C5: variants seen among roughly 807,000 people sequenced by gnomAD.
C5 encodes complement C5.
Under a neutral mutation model 218.8 loss-of-function variants are expected in C5, and 140 were observed. The observed-to-expected ratio is 0.64, with a 90% CI of 0.56 to 0.74. The LOEUF is 0.74. C5 is among the 30% of genes least tolerant of loss of function. The pLI is 0.00. For synonymous variants in C5, 614 were observed against 682.3 expected, an observed-to-expected ratio of 0.90 and a Z score of 1.56; for missense variants, 1,700 against 1,969.6, an observed-to-expected ratio of 0.86 and a Z score of 2.59.
intron 25 of C5, among the ~76,000 whole-genome samples, chr9:120,983,190 T>G (rs944359491): frequency 2.0e-4 from 30 of 152,174 alleles, no homozygotes; most frequent in African/African-American, 7.2e-4. Flanking sequence ...ATTGTAAAAT[T>G]TGTGCATTCC....
At position 120,991,253 on chromosome 9, in the gene C5, G is replaced by A; in HGVS notation, c.2879C>T (p.Pro960Leu). The change falls in exon 23 of 41, where the codon CCA (proline) becomes CTA (leucine). Residue 960 changes from proline (P) to leucine (L), a missense_variant. Transcript: ENST00000223642. ...YGTISRRKEF[P>L]YRIPLDLVPK... ...GACCAAATCTAAGGGTATCCTGTAT[G>A]GGAACTCCTTTCGTCTGCTAATGGT... 6.2e-7 allele frequency: 1 copy of A among 1,610,426 alleles called. No individual in the cohort carries two copies. The highest frequency in any genetic ancestry group is 8.5e-7 in the Non-Finnish European group (1 of 1,176,688).
At chr9:121,044,201 A>G (rs1376039749) in intron 2 of C5, among the ~76,000 whole-genome samples, 23 of 152,160 alleles carry the variant, frequency 1.5e-4, no homozygotes, top group Non-Finnish European at 7.4e-5. Context: ...CAGGCTGGGC[A>G]CAGTAACCTA....
chr9:121,019,573 C>G (rs2047345268), intron 12 of C5, among the ~76,000 whole-genome samples: 1 of 152,188 alleles, frequency 6.6e-6, no homozygotes, highest in Admixed American at 6.5e-5. Context: ...ATTCACTTAT[C>G]CGAACTGGGT....
chr9:121,007,638 T>C (rs1353514836), intron 18 of C5, among the ~76,000 whole-genome samples: 3 of 152,256 alleles, frequency 2.0e-5, no homozygotes, highest in Admixed American at 6.5e-5. Flanking sequence ...ATTTAGTTCA[T>C]GCCTTTGAGG....
At chr9:120,975,012 G>A in intron 29 of C5, 81 bp from the exon 30 acceptor site, 2 of 1,489,344 alleles carry the variant, frequency 1.3e-6, no homozygotes, top group Middle Eastern at 1.7e-4. Context: ...TTTATGAGAG[G>A]GTAGGGCAGC....
In C5 at chr9:120,989,626, G is replaced by T. The variant is rs1269656764; in HGVS notation, c.3096C>A (p.Asn1032Lys). ...FHYLETGNHW[N>K]IFHSDPLIEK... ...CAATTAATGGGTCAGAATGAAAAAT[G>T]TTCCAATGATTTCCTGTTTCCAGGT... The change falls in exon 24 of 41, where the codon AAC becomes AAA. Residue 1032 changes from asparagine to lysine, a missense_variant. By Grantham distance (94) the Asn-to-Lys change is moderately conservative. Transcript: ENST00000223642. 1 of 1,612,722 alleles carries T rather than the reference G, an allele frequency of 6.2e-7. No individual in the cohort carries two copies. Among genetic ancestry groups the T allele is most frequent in the Admixed American group, 1.7e-5 (1 of 59,946 alleles).
chr9:121,008,626 A>G, intron 17 of C5, 128 bp from the exon 18 acceptor site: 1 of 732,822 alleles, frequency 1.4e-6, no homozygotes, highest in Non-Finnish European at 2.4e-6. Flanking sequence ...ATTTTGTTTA[A>G]TGCTTCCAAA....
the C5 span, among the ~76,000 whole-genome samples, chr9:121,066,357 A>G: frequency 6.6e-6 from 1 of 151,214 alleles, no homozygotes; most frequent in East Asian, 1.9e-4. Context: ...ACTAAATGAT[A>G]TAGAAAGACT....
At chr9:121,024,575 C>T (rs1224159113) in intron 9 of C5, among the ~76,000 whole-genome samples, 3 of 152,052 alleles carry the variant, frequency 2.0e-5, no homozygotes, top group African/African-American at 4.8e-5. Flanking sequence ...GATTAAGCTT[C>T]ACCATCTACT....
chr9:121,022,298 C>CAT lies in C5; in HGVS notation c.1117-606_1117-605dup, dbSNP rs36060946. 9.3e-3 allele frequency among the ~76,000 whole-genome samples: 1,382 copies of CAT among 148,992 alleles called. 11 individuals are homozygous for CAT. Among genetic ancestry groups the CAT allele is most frequent in the Middle Eastern group, 0.018 (5 of 284 alleles). On this transcript the variant is annotated intron_variant, in intron 10 of 40. Transcript: ENST00000223642. ...TCCTTTAACATCTACCTCTCACTGC[C>CAT]ATATATATATATATATACACACACA...
At chr9:121,070,571 A>G in the C5 span, among the ~76,000 whole-genome samples, 2 of 151,816 alleles carry the variant, frequency 1.3e-5, no homozygotes, top group Non-Finnish European at 2.9e-5. Flanking sequence ...ACTGTAATTC[A>G]CAGCAACACG....
At chr9:120,966,658 C>G (rs1197336340) in intron 33 of C5, among the ~76,000 whole-genome samples, 2 of 151,984 alleles carry the variant, frequency 1.3e-5, no homozygotes, top group Non-Finnish European at 2.9e-5. Context: ...GGTAGGTGCC[C>G]AAGGGTAGGA....
chr9:121,038,117 A>C (rs961645650), intron 3 of C5, among the ~76,000 whole-genome samples, 166 bp from the exon 4 acceptor site: 1 of 152,222 alleles, frequency 6.6e-6, no homozygotes, highest in Admixed American at 6.5e-5. Context: ...ATACATTACT[A>C]AAGATTCTCT....
Position 121,025,586 on chromosome 9 carries a change from T to C in C5, c.874-6A>G. ...TGAGCAATTCCATTTATCAACTTTT[T>C]AAAAGGAGAAAAAGGAGGAGTTATT... On this transcript the variant is annotated splice_polypyrimidine_tract_variant and splice_region_variant and intron_variant, in intron 8 of 40. Transcript: ENST00000223642. 1.9e-6 allele frequency: 3 copies of C among 1,611,336 alleles called. No homozygotes were observed. The highest frequency in any genetic ancestry group is 2.5e-6 in the Non-Finnish European group (3 of 1,179,294).
At chr9:120,959,487 C>T (rs1321147593) in intron 38 of C5, among the ~76,000 whole-genome samples, 1 of 151,734 alleles carries the variant, frequency 6.6e-6, no homozygotes, top group Non-Finnish European at 1.5e-5. Flanking sequence ...TCTCAAACTC[C>T]TGACCTCAGG....
At chr9:120,960,178 A>G in intron 38 of C5, 70 bp downstream of exon 38, 1 of 983,576 alleles carries the variant, frequency 1.0e-6, no homozygotes, top group Non-Finnish European at 1.6e-6. Context: ...AAAGTTTTTG[A>G]TCTTTCTAAC....
chr9:121,025,420 A>ACC (rs774593793), intron 9 of C5, 34 bp downstream of exon 9: 1 of 1,285,638 alleles, frequency 7.8e-7, no homozygotes, highest in African/African-American at 3.9e-5. Flanking sequence ...AAGAAAGTAT[A>ACC]CACACACACA....
intron 22 of C5, among the ~76,000 whole-genome samples, chr9:120,991,862 T>C (rs1270622883): frequency 3.9e-5 from 6 of 152,228 alleles, no homozygotes; most frequent in African/African-American, 1.4e-4. Flanking sequence ...CTAAGTTCTT[T>C]AAATGAATTA....
Position 120,970,205 on chromosome 9 carries a change from C to T in C5, c.4127G>A (p.Ser1376Asn), listed in dbSNP as rs764508773. ...CTGAGTATCGATTTTCAAATAAAAG[C>T]TGCAAACTTCCTCAGAGGTACTGGT... ...HKTSTSEEVC[S>N]FYLKIDTQDI... The change falls in exon 32 of 41, where the codon AGC (serine) becomes AAC (asparagine). Residue 1376 changes from serine to asparagine, a missense_variant. Coordinates refer to ENST00000223642, the MANE Select transcript of C5 (RefSeq NM_001735.3). The T allele has an allele frequency of 2.1e-5, 34 of 1,613,452 alleles. No individual in the cohort carries two copies. The highest frequency in any genetic ancestry group is 2.8e-5 in the Non-Finnish European group (33 of 1,179,582).
Sources: gnomAD v4.1 joint callset for allele counts (sites outside exome capture counted in the v4.1 genomes callset) on GRCh38, gnomAD v4.1.1 for gene constraint, MANE v1.5 for transcripts, NCBI Gene and HGNC (gene_info 2026-07-23, HGNC 2026-07-21) for gene names.